Variants in SUMF1 observed in about 807,000 individuals in gnomAD.
SUMF1 encodes the protein formylglycine-generating enzyme.
In SUMF1, 48 loss-of-function variants were observed where a neutral mutation model predicts 47.6. The observed-to-expected ratio is 1.01, with a 90% CI of 0.80 to 1.28. The LOEUF (loss-of-function observed/expected upper bound fraction) is 1.28. SUMF1 is among the 50% of genes most tolerant of loss of function. The probability of loss-of-function intolerance (pLI) is 0.00; values close to 1 mark genes in which losing one functional copy is unlikely to be tolerated. For missense variants in SUMF1, 571 were observed against 485.4 expected (o/e 1.18, Z -1.66); for synonymous variants, 230 against 192.1 (o/e 1.20, Z -1.63).
intron 8 of SUMF1, among the ~76,000 whole-genome samples, chr3:4,350,717 A>T (rs1000084807): frequency 2.0e-5 from 3 of 152,196 alleles, no homozygotes; most frequent in African/African-American, 7.2e-5. Context: ...ATGACAAATT[A>T]TTCCAGAGCT....
At chr3:4,064,298 T>TAAC (rs1276278078) in intron 9 of SUMF1, among the ~76,000 whole-genome samples, 1 of 152,146 alleles carries the variant, frequency 6.6e-6, no homozygotes, top group Non-Finnish European at 1.5e-5. Flanking sequence ...CATTATATGC[T>TAAC]AACTATAATG....
intron 3 of SUMF1, among the ~76,000 whole-genome samples, chr3:4,422,219 A>G (rs1463550037): frequency 2.6e-5 from 4 of 152,082 alleles, no homozygotes; most frequent in Non-Finnish European, 5.9e-5. Flanking sequence ...TTAGGTGCCC[A>G]TGACAGGTAA....
At chr3:4,460,599 A>AGT (rs144375913) in intron 1 of SUMF1, among the ~76,000 whole-genome samples, 20,456 of 143,482 alleles carry the variant, frequency 0.14, 1,488 homozygotes, top group East Asian at 0.23. Context: ...TCACACACAC[A>AGT]GTGTGTGTGT....
intron 9 of SUMF1, among the ~76,000 whole-genome samples, chr3:4,036,525 C>A (rs1218956107): frequency 6.6e-6 from 1 of 151,882 alleles, no homozygotes; most frequent in African/African-American, 2.4e-5. Context: ...TATAACTCTT[C>A]CCATAGGCCT....
At chr3:4,269,326 A>G (rs570040072) in intron 8 of SUMF1, among the ~76,000 whole-genome samples, 3 of 152,244 alleles carry the variant, frequency 2.0e-5, no homozygotes, top group Non-Finnish European at 4.4e-5. Context: ...CCCATCCCAA[A>G]GAATGAAAGA....
intron 8 of SUMF1, among the ~76,000 whole-genome samples, chr3:4,242,451 A>T (rs1362998506): frequency 6.6e-6 from 1 of 152,192 alleles, no homozygotes; most frequent in Admixed American, 6.5e-5. Flanking sequence ...CGTTCCATCA[A>T]CACCTAGTTT....
chr3:4,203,419 T>C (rs1695582474), intron 8 of SUMF1, among the ~76,000 whole-genome samples: 1 of 152,022 alleles, frequency 6.6e-6, no homozygotes, highest in Non-Finnish European at 1.5e-5. Context: ...TCTTTCTTGG[T>C]TTTCATTTGC....
intron 8 of SUMF1, among the ~76,000 whole-genome samples, chr3:4,107,502 T>A (rs560420315): frequency 6.6e-6 from 1 of 152,132 alleles, no homozygotes; most frequent in African/African-American, 2.4e-5. Flanking sequence ...ATCAGTACTA[T>A]CCTGCCTAGC....
At chr3:4,393,154 T>C (rs1700930524) in intron 7 of SUMF1, among the ~76,000 whole-genome samples, 1 of 152,174 alleles carries the variant, frequency 6.6e-6, no homozygotes, top group African/African-American at 2.4e-5. Flanking sequence ...CTACCACCCA[T>C]CACAACTGCT....
chr3:4,442,799 T>C (rs1442757830), intron 3 of SUMF1, among the ~76,000 whole-genome samples: 1 of 152,022 alleles, frequency 6.6e-6, no homozygotes, highest in Non-Finnish European at 1.5e-5. Flanking sequence ...ACCATGTCTC[T>C]TTCTAAAAGT....
intron 8 of SUMF1, among the ~76,000 whole-genome samples, chr3:4,275,416 A>C (rs1697391092): frequency 6.6e-6 from 1 of 152,100 alleles, no homozygotes; most frequent in Non-Finnish European, 1.5e-5. Flanking sequence ...CAGATATAAC[A>C]TTCAACAGGG....
At chr3:4,352,442 C>A (rs1023678504) in intron 8 of SUMF1, among the ~76,000 whole-genome samples, 2 of 152,086 alleles carry the variant, frequency 1.3e-5, no homozygotes, top group African/African-American at 4.8e-5. Flanking sequence ...CACAGTCTAC[C>A]AGGAGAAAGT....
At chr3:4,220,536 T>A (rs369371122) in intron 8 of SUMF1, among the ~76,000 whole-genome samples, 10 of 152,148 alleles carry the variant, frequency 6.6e-5, no homozygotes, top group African/African-American at 2.2e-4. Context: ...TCACTTCCTC[T>A]CTTCTCTCTC....
At position 4,361,511 on chromosome 3, in the gene SUMF1, A is replaced by G. The variant is rs142577852; in HGVS notation, c.*633T>C. ...GCCCCATGTGGGATTCATCATAACA[A>G]CGTAAAAGACACTGATTTCCTTGGA... On this transcript the variant is annotated 3_prime_UTR_variant, in exon 9 of 9. Transcript: ENST00000272902. 8.3e-5 allele frequency: 13 copies of G among 156,228 alleles called. No individual in the cohort carries two copies. The highest frequency in any genetic ancestry group is 3.1e-4 in the African/African-American group (13 of 41,600). 9.7% of individuals were successfully genotyped at this position (156,228 alleles called of 1,614,324 possible).
intron 8 of SUMF1, among the ~76,000 whole-genome samples, chr3:4,244,223 T>C (rs1330736643): frequency 3.9e-5 from 6 of 152,192 alleles, no homozygotes; most frequent in Admixed American, 2.6e-4. Flanking sequence ...CTTGCCAGTC[T>C]GTGTCTTTTA....
At chr3:4,140,415 C>T (rs1408332208) in intron 8 of SUMF1, among the ~76,000 whole-genome samples, 1 of 152,006 alleles carries the variant, frequency 6.6e-6, no homozygotes, top group African/African-American at 2.4e-5. Context: ...TATGTAACTT[C>T]CTGCTATCCC....
chr3:4,131,302 T>C (rs1246481629), intron 8 of SUMF1, among the ~76,000 whole-genome samples: 2 of 152,136 alleles, frequency 1.3e-5, no homozygotes, highest in African/African-American at 4.8e-5. Context: ...CAAATGCCCA[T>C]GGTCTCCATT....
At chr3:4,140,982 T>G (rs1336020287) in intron 8 of SUMF1, among the ~76,000 whole-genome samples, 2 of 152,080 alleles carry the variant, frequency 1.3e-5, no homozygotes, top group East Asian at 3.9e-4. Context: ...TTTCATGAGT[T>G]TTCACATGAT....
At chr3:4,385,933 G>T (rs1316209303) in intron 7 of SUMF1, among the ~76,000 whole-genome samples, 1 of 152,006 alleles carries the variant, frequency 6.6e-6, no homozygotes, top group Non-Finnish European at 1.5e-5. Flanking sequence ...AAATCAGTTG[G>T]GCATCATATA....
Sources: gnomAD v4.1 joint callset for allele counts (sites outside exome capture counted in the v4.1 genomes callset) on GRCh38, gnomAD v4.1.1 for gene constraint, MANE v1.5 for transcripts, NCBI Gene and HGNC (gene_info 2026-07-23, HGNC 2026-07-21) for gene names.